Variants in RANBP3L observed in about 807,000 individuals in gnomAD.
RANBP3L encodes the protein RAN binding protein 3 like.
In RANBP3L, 56 loss-of-function variants were observed where a neutral mutation model predicts 67.2. The ratio of observed to expected loss-of-function variants is 0.83; its 90% CI spans 0.67 to 1.04. RANBP3L has a LOEUF of 1.04. RANBP3L is among the 50% of genes least tolerant of loss of function. The pLI is 0.00. For missense variants in RANBP3L, 496 were observed against 535.5 expected (o/e 0.93, Z 0.73); for synonymous variants, 164 against 181.4 (o/e 0.90, Z 0.77).
chr5:36,247,951 G>A lies in RANBP3L; in HGVS notation c.*1703C>T, dbSNP rs886859632. On this transcript the variant is annotated 3_prime_UTR_variant, in exon 14 of 14. Transcript: ENST00000296604. ...CTTCTTCACTTTAGCAATTTATAGT[G>A]CAATCACAATGTTCCCACATCAGCT... 1.1e-4 allele frequency among the ~76,000 whole-genome samples: 17 copies of A among 152,278 alleles called. No individual in the cohort carries two copies. The highest frequency in any genetic ancestry group is 2.6e-4 in the Admixed American group (4 of 15,292).
chr5:36,255,290 A>G (rs1440195302), intron 11 of RANBP3L, among the ~76,000 whole-genome samples, 180 bp downstream of exon 11: 2 of 152,096 alleles, frequency 1.3e-5, no homozygotes, highest in Non-Finnish European at 2.9e-5. Flanking sequence ...ACTGGAGCCC[A>G]TGCAGTCTAA....
rs749286998 is a variant in RANBP3L at position 36,257,062 on chromosome 5, G to C, written c.782C>G (p.Ser261Cys). ...PVNFLSSRTD[S>C]IKNTSLIESA... ...TTCAATTAGGGAAGTATTTTTAATA[G>C]AGTCTGTTCCTAAGAGAAAATGGGG... is the stretch of plus-strand genomic sequence containing the variant. Residue 261 changes from serine to cysteine, a missense_variant, in exon 10 of 14, where the codon TCT (serine) becomes TGT (cysteine). Coordinates refer to ENST00000296604, the MANE Select transcript of RANBP3L (RefSeq NM_145000.5). 3.2e-5 allele frequency: 51 copies of C among 1,610,914 alleles called. No homozygotes were observed. Among genetic ancestry groups the C allele is most frequent in the Admixed American group, 1.3e-4 (8 of 59,674 alleles).
chr5:36,281,698 C>T (rs1206233933), intron 1 of RANBP3L, among the ~76,000 whole-genome samples: 2 of 152,086 alleles, frequency 1.3e-5, no homozygotes, highest in African/African-American at 4.8e-5. Context: ...GTTATTCTTG[C>T]CATTATTTGT....
chr5:36,265,312 C>G, intron 5 of RANBP3L, 137 bp downstream of exon 5: 2 of 685,158 alleles, frequency 2.9e-6, no homozygotes, highest in East Asian at 5.5e-5. Context: ...TGAAACCTGG[C>G]TTACTTGCAT....
chr5:36,269,859 T>C lies in RANBP3L; in HGVS notation c.190+92A>G, dbSNP rs890800768. 33 of 1,046,176 alleles carry C rather than the reference T, an allele frequency of 3.2e-5. No homozygotes were observed. In the African/African-American group the frequency reaches 4.9e-4, roughly 16 times the overall value. 64.8% of individuals were successfully genotyped at this position (1,046,176 alleles called of 1,614,324 possible). ...TTAAAAAAAGAAAAAACATTAACTT[T>C]CACATAGTCTGTGCCACATGCCAAA... On this transcript the variant is annotated intron_variant, in intron 3 of 13. Coordinates refer to ENST00000296604, the MANE Select transcript of RANBP3L (RefSeq NM_145000.5).
At chr5:36,291,366 AT>A (rs930081455) in intron 1 of RANBP3L, among the ~76,000 whole-genome samples, 33 of 145,880 alleles carry the variant, frequency 2.3e-4, no homozygotes, top group East Asian at 8.0e-4. Flanking sequence ...TTTTATTTTT[AT>A]TTTTTTTCAG....
intron 1 of RANBP3L, among the ~76,000 whole-genome samples, chr5:36,295,040 G>A (rs1013611401): frequency 4.6e-5 from 7 of 151,670 alleles, no homozygotes; most frequent in African/African-American, 1.2e-4. Flanking sequence ...GTGGAGATTT[G>A]TTTGTTTCCA....
intron 1 of RANBP3L, among the ~76,000 whole-genome samples, chr5:36,294,489 A>T (rs1752045388): frequency 6.6e-6 from 1 of 151,552 alleles, no homozygotes; most frequent in Admixed American, 6.6e-5. Flanking sequence ...TTTAATTATG[A>T]TGTTAGGGTA....
At chr5:36,264,934 G>A in intron 6 of RANBP3L, 25 bp downstream of exon 6, 2 of 1,603,328 alleles carry the variant, frequency 1.2e-6, no homozygotes, top group South Asian at 2.3e-5. Context: ...ATTGAGGTCA[G>A]TTCCGTTATC....
At chr5:36,268,028 G>C (rs192228060) in intron 4 of RANBP3L, among the ~76,000 whole-genome samples, 3 of 152,306 alleles carry the variant, frequency 2.0e-5, no homozygotes, top group Admixed American at 6.5e-5. Flanking sequence ...CAGAATTTGT[G>C]AAGTTAGAAT....
At chr5:36,257,325 C>A in intron 9 of RANBP3L, 129 bp downstream of exon 9, 1 of 447,708 alleles carries the variant, frequency 2.2e-6, no homozygotes, top group South Asian at 7.5e-5. Flanking sequence ...ATTTGAAACA[C>A]TGGATTATTG....
intron 1 of RANBP3L, among the ~76,000 whole-genome samples, chr5:36,284,290 T>A: frequency 6.6e-6 from 1 of 152,160 alleles, no homozygotes. Flanking sequence ...ATCCACAGGG[T>A]GTGAGGTATG....
intron 1 of RANBP3L, among the ~76,000 whole-genome samples, chr5:36,274,579 GACAAGGGTTACAAA>G (rs1036262916): frequency 6.6e-6 from 1 of 152,180 alleles, no homozygotes; most frequent in Non-Finnish European, 1.5e-5. Context: ...GAAAACAGTG[GACAAGGGTTACAAA>G]ACAGGGCTGG....
intron 7 of RANBP3L, among the ~76,000 whole-genome samples, chr5:36,261,373 G>A (rs7705641): frequency 0.41 from 61,995 of 151,902 alleles, 15,231 homozygotes; most frequent in Non-Finnish European, 0.56. Context: ...GCTCTTTGTA[G>A]ACAGATGTGC....
At chr5:36,269,298 C>A (rs1750038321) in intron 4 of RANBP3L, 92 bp downstream of exon 4, 1 of 781,610 alleles carries the variant, frequency 1.3e-6, no homozygotes, top group Non-Finnish European at 2.2e-6. Flanking sequence ...AGCTGGCAAG[C>A]TTTTAACATT....
rs899995839 is a variant in RANBP3L at position 36,248,766 on chromosome 5, G to A, written c.*888C>T. The A allele has an allele frequency of 6.6e-6, 1 of 152,134 alleles. No homozygotes were observed. Among genetic ancestry groups the A allele is most frequent in the Admixed American group, 6.5e-5 (1 of 15,268 alleles). The allele number at this position is 152,134 out of a possible 1,614,324, so 9.4% of individuals were successfully genotyped here. The stretch of plus-strand genomic sequence containing the variant: ...CTAATTTTCTTGTGTGATTCATGAG[G>A]TGTCTCTGAAACAAATCGCAAAGAA... On this transcript the variant is annotated 3_prime_UTR_variant, in exon 14 of 14. Coordinates refer to ENST00000296604, the MANE Select transcript of RANBP3L (RefSeq NM_145000.5).
chr5:36,262,515 C>A (rs2111774812), intron 6 of RANBP3L, among the ~76,000 whole-genome samples: 1 of 152,218 alleles, frequency 6.6e-6, no homozygotes, highest in South Asian at 2.1e-4. Context: ...CAACTAGTAA[C>A]TTATCCAGTT....
At chr5:36,296,269 T>A (rs961082604) in intron 1 of RANBP3L, among the ~76,000 whole-genome samples, 5 of 152,182 alleles carry the variant, frequency 3.3e-5, no homozygotes, top group Non-Finnish European at 7.4e-5. Context: ...AAGTGCAGAT[T>A]GCTTGGGGAC....
intron 1 of RANBP3L, among the ~76,000 whole-genome samples, chr5:36,286,424 A>T (rs775062624): frequency 6.6e-6 from 1 of 152,102 alleles, no homozygotes; most frequent in Non-Finnish European, 1.5e-5. Flanking sequence ...ATCACTTCCT[A>T]ACACTCACTT....
Sources: gnomAD v4.1 joint callset for allele counts (sites outside exome capture counted in the v4.1 genomes callset) on GRCh38, gnomAD v4.1.1 for gene constraint, MANE v1.5 for transcripts, NCBI Gene and HGNC (gene_info 2026-07-23, HGNC 2026-07-21) for gene names.